Variants in CDK13 observed in about 807,000 individuals in gnomAD.
The protein encoded by CDK13 is cyclin-dependent kinase 13.
CDK13 carries 40 observed loss-of-function variants against 137.6 expected under a neutral mutation model. The observed-to-expected ratio is 0.29, with a 90% confidence interval of 0.23 to 0.38. The LOEUF is 0.38. CDK13 is among the 10% of genes least tolerant of loss of function. CDK13 has a pLI of 1.00. For synonymous variants in CDK13, 869 were observed against 760.1 expected, an observed-to-expected ratio of 1.14 and a Z score of -2.36; for missense variants, 1,704 against 1,951.8, an observed-to-expected ratio of 0.87 and a Z score of 2.39.
At chr7:39,996,983 A>AAAAAAAAAAAAAAG (rs1562719391) in intron 2 of CDK13, among the ~76,000 whole-genome samples, 16 of 141,478 alleles carry the variant, frequency 1.1e-4, no homozygotes, top group African/African-American at 4.5e-4. Context: ...AAAAGAAAAA[A>AAAAAAAAAAAAAAG]AAAAAGAAAA....
At chr7:39,997,974 G>A (rs1002968634) in intron 3 of CDK13, 1 of 226,840 alleles carries the variant, frequency 4.4e-6, no homozygotes, top group African/African-American at 2.4e-5. Flanking sequence ...ATTGGGCAGA[G>A]TAGAAGTCAG....
intron 5 of CDK13, among the ~76,000 whole-genome samples, chr7:40,022,391 A>G (rs762159367): frequency 3.9e-5 from 6 of 152,196 alleles, no homozygotes; most frequent in South Asian, 2.1e-4. Flanking sequence ...CTTCTCTTCC[A>G]ATACTCATAC....
chr7:40,081,339 A>C (rs1019814667), intron 11 of CDK13, among the ~76,000 whole-genome samples: 1 of 152,184 alleles, frequency 6.6e-6, no homozygotes, highest in Admixed American at 6.5e-5. Context: ...AAATGTCAAC[A>C]TAGTAAATGC....
At chr7:40,083,307 C>CAAA (rs143379108) in intron 11 of CDK13, among the ~76,000 whole-genome samples, 1 of 79,904 alleles carries the variant, frequency 1.3e-5, no homozygotes. Flanking sequence ...CCTGTCTTTA[C>CAAA]AAAAAAAAAA....
At chr7:40,000,916 A>G (rs947310522) in intron 4 of CDK13, among the ~76,000 whole-genome samples, 4 of 152,072 alleles carry the variant, frequency 2.6e-5, no homozygotes, top group African/African-American at 9.7e-5. Context: ...TTCATTTTCT[A>G]TTTGGATCAT....
chr7:40,025,033 C>T (rs1051650201), intron 5 of CDK13, among the ~76,000 whole-genome samples: 2 of 152,118 alleles, frequency 1.3e-5, no homozygotes, highest in African/African-American at 4.8e-5. Context: ...CAGATCTTAG[C>T]TTCAGATAGC....
chr7:40,063,532 C>T (rs1433890287), intron 9 of CDK13, among the ~76,000 whole-genome samples: 13 of 152,094 alleles, frequency 8.5e-5, no homozygotes, highest in Admixed American at 7.2e-4. Flanking sequence ...TGTGTGTATA[C>T]ACACTAAAAT....
chr7:40,060,169 T>C (rs1302227292), intron 7 of CDK13, among the ~76,000 whole-genome samples: 2 of 152,212 alleles, frequency 1.3e-5, no homozygotes, highest in Non-Finnish European at 1.5e-5. Context: ...GAATTTGATA[T>C]ACAATATATA....
intron 9 of CDK13, chr7:40,069,286 T>A (rs1448640178): frequency 4.5e-6 from 2 of 446,578 alleles, no homozygotes; most frequent in Non-Finnish European, 8.9e-6. Context: ...CAATTTTGAT[T>A]TCATAGCATT....
chr7:40,054,046 G>C (rs1785955418), intron 7 of CDK13, among the ~76,000 whole-genome samples: 1 of 152,136 alleles, frequency 6.6e-6, no homozygotes, highest in South Asian at 2.1e-4. Context: ...TCTGAATTCA[G>C]CCTTGATTAC....
At chr7:40,080,224 G>T (rs1399759969) in intron 11 of CDK13, among the ~76,000 whole-genome samples, 1 of 152,048 alleles carries the variant, frequency 6.6e-6, no homozygotes, top group Non-Finnish European at 1.5e-5. Flanking sequence ...TTGACCTCAG[G>T]TGATCCACCC....
Position 39,951,939 on chromosome 7 carries a change from A to C in CDK13, c.1211+87A>C, listed in dbSNP as rs1787234488. 15 of 1,260,586 alleles carry C rather than the reference A, an allele frequency of 1.2e-5. 1 individual carries two copies. In the South Asian group the frequency reaches 3.5e-4, roughly 29 times the overall value. The allele number at this position is 1,260,586 out of a possible 1,614,324, so 78.1% of individuals were successfully genotyped here. A position where few individuals can be genotyped will look rare whatever the true frequency, so the allele number is the denominator to read the frequency against. On this transcript the variant is annotated intron_variant, in intron 1 of 13. Transcript: ENST00000181839. ...GGGAAAGTGGTGCCCGGGTCCTCAG[A>C]ACGACTCAGGTCCACCACCGAGACG... is the stretch of plus-strand genomic sequence containing the variant.
intron 5 of CDK13, among the ~76,000 whole-genome samples, chr7:40,019,238 C>T (rs1460154889): frequency 6.6e-6 from 1 of 152,120 alleles, no homozygotes; most frequent in African/African-American, 2.4e-5. Context: ...TATGTGAAAA[C>T]TATTTAAGTC....
intron 5 of CDK13, among the ~76,000 whole-genome samples, chr7:40,026,117 G>A (rs1785236874): frequency 6.6e-6 from 1 of 152,202 alleles, no homozygotes; most frequent in Non-Finnish European, 1.5e-5. Flanking sequence ...AACATGTGGG[G>A]AGAGTATTTC....
chr7:39,951,275 C>A lies in CDK13; in HGVS notation c.634C>A (p.Arg212Ser), dbSNP rs1369087869. 7.4e-7 allele frequency: 1 copy of A among 1,355,552 alleles called. No individual in the cohort carries two copies. The highest frequency in any genetic ancestry group is 9.4e-7 in the Non-Finnish European group (1 of 1,062,442). 84.0% of individuals were successfully genotyped at this position (1,355,552 alleles called of 1,614,324 possible). A position where few individuals can be genotyped will look rare whatever the true frequency, so the allele number is the denominator to read the frequency against. The change falls in exon 1 of 14, where the codon CGC becomes AGC. Residue 212 changes from arginine to serine, a missense_variant. Around this residue, in one of 5 missense-constraint regions of CDK13, gnomAD observed 1,051 missense variants for 931.0 expected, o/e 1.13. Coordinates refer to ENST00000181839, the MANE Select transcript of CDK13 (RefSeq NM_003718.5). ...RRSSSGRSKE[R>S]HREHRRRDGQ... ...CAGCAGCAGTGGCCGCAGCAAGGAGCGCCACCGCGAGCACCGGCGGCGGGA... is the reference window on the plus strand; with the variant it reads ...CAGCAGCAGTGGCCGCAGCAAGGAGAGCCACCGCGAGCACCGGCGGCGGGA...
chr7:39,999,561 C>T, intron 4 of CDK13, 61 bp downstream of exon 4: 1 of 1,467,692 alleles, frequency 6.8e-7, no homozygotes, highest in Non-Finnish European at 9.2e-7. Context: ...TTGTGTTTCT[C>T]TTCTGATGTT....
chr7:40,042,264 A>G (rs1213153853), intron 5 of CDK13, among the ~76,000 whole-genome samples: 6 of 151,644 alleles, frequency 4.0e-5, no homozygotes. Flanking sequence ...TATTTTTAGT[A>G]GAGACGGGGT....
At chr7:40,039,679 G>A (rs1419023405) in intron 5 of CDK13, among the ~76,000 whole-genome samples, 3 of 151,806 alleles carry the variant, frequency 2.0e-5, no homozygotes, top group Non-Finnish European at 4.4e-5. Flanking sequence ...TGATCCACCT[G>A]CCTCAGCCTC....
chr7:40,028,337 G>C (rs1325133424), intron 5 of CDK13, among the ~76,000 whole-genome samples: 1 of 150,976 alleles, frequency 6.6e-6, no homozygotes, highest in East Asian at 2.0e-4. Context: ...TGCTGCCTCA[G>C]CCTCCTGAGT....
Sources: gnomAD v4.1 joint callset for allele counts (sites outside exome capture counted in the v4.1 genomes callset) on GRCh38, gnomAD v4.1.1 for gene constraint, gnomAD v4.1.1 regional missense constraint, MANE v1.5 for transcripts, NCBI Gene and HGNC (gene_info 2026-07-23, HGNC 2026-07-21) for gene names.